Variants in WDR7 observed in about 807,000 individuals in gnomAD.
WDR7 encodes the protein WD repeat-containing protein 7.
Under a neutral mutation model 169.4 loss-of-function variants are expected in WDR7, and 46 were observed. The observed-to-expected ratio is 0.27, with a 90% CI of 0.21 to 0.35. The LOEUF (loss-of-function observed/expected upper bound fraction) is 0.35, where lower values mean the gene tolerates loss of function less well. WDR7 is among the 10% of genes least tolerant of loss of function. The pLI is 1.00. For synonymous variants in WDR7, 612 were observed against 666.8 expected (o/e 0.92, Z 1.27); for missense variants, 1,534 against 1,859.3 (o/e 0.83, Z 3.22).
intron 22 of WDR7, among the ~76,000 whole-genome samples, chr18:56,930,842 A>G (rs2046874632): frequency 6.6e-6 from 1 of 152,198 alleles, no homozygotes; most frequent in African/African-American, 2.4e-5. Context: ...CCCCCCTGGA[A>G]TATTCTCTTA....
intron 20 of WDR7, among the ~76,000 whole-genome samples, chr18:56,869,850 G>A (rs1267645909): frequency 3.9e-5 from 6 of 152,002 alleles, no homozygotes; most frequent in Admixed American, 6.6e-5. Flanking sequence ...AAATTGCAGA[G>A]CTCTAAGTTA....
chr18:56,821,822 C>G (rs1258850017), intron 20 of WDR7, among the ~76,000 whole-genome samples: 1 of 151,224 alleles, frequency 6.6e-6, no homozygotes, highest in Admixed American at 6.6e-5. Flanking sequence ...GGGAGATACC[C>G]TATCTCTACA....
intron 20 of WDR7, among the ~76,000 whole-genome samples, chr18:56,858,283 T>C (rs1037678283): frequency 8.5e-5 from 13 of 152,168 alleles, no homozygotes; most frequent in Non-Finnish European, 1.9e-4. Context: ...TCACTGCCAC[T>C]ACCCTTTTAG....
Position 56,756,674 on chromosome 18 carries a change from A to G in WDR7, c.2081A>G (p.Asp694Gly). 1 of 1,614,146 alleles carries G rather than the reference A, an allele frequency of 6.2e-7. No individual in the cohort carries two copies. The highest frequency in any genetic ancestry group is 8.5e-7 in the Non-Finnish European group (1 of 1,180,032). Residue 694 changes from aspartate (D) to glycine (G), a missense_variant, in exon 15 of 28, where the codon GAT (aspartate) becomes GGT (glycine). Asp to Gly is a moderately conservative substitution (Grantham distance 94). Coordinates refer to ENST00000254442, the MANE Select transcript of WDR7 (RefSeq NM_015285.3). The stretch of plus-strand genomic sequence containing the variant: ...CCGGACATACATGTGCTATTCTTTG[A>G]TGTGGAAGCGTTGATTATTCAACTC... ...TDPDIHVLFF[D>G]VEALIIQLLT...
intron 21 of WDR7, among the ~76,000 whole-genome samples, chr18:56,905,761 C>T (rs1315288903): frequency 1.3e-5 from 2 of 151,606 alleles, no homozygotes. Context: ...ATATTATAAG[C>T]AAAATAAAAA....
At position 56,923,950 on chromosome 18, in the gene WDR7, G is replaced by C. The variant is rs904918149; in HGVS notation, c.3555G>C (p.Gln1185His). 1 of 1,572,142 alleles carries C rather than the reference G, an allele frequency of 6.4e-7. No individual in the cohort carries two copies. Among genetic ancestry groups the C allele is most frequent in the Admixed American group, 2.0e-5 (1 of 51,156 alleles). The change falls in exon 22 of 28, where the codon CAG (glutamine) becomes CAC (histidine). Residue 1185 changes from glutamine to histidine, a missense_variant. Physicochemically the swap from Gln to His is conservative, Grantham distance 24. Transcript: ENST00000254442. ...AGGCACTGACGTTTCTTCTGCTACA[G>C]CCTCCAAGCCCCAAACTTCCTCCAC... ...TCKALTFLLLQPPSPKLPPHS... is the reference protein window; with the variant it reads ...TCKALTFLLLHPPSPKLPPHS...
intron 21 of WDR7, among the ~76,000 whole-genome samples, chr18:56,913,178 T>G (rs1420796645): frequency 6.6e-6 from 1 of 152,146 alleles, no homozygotes; most frequent in African/African-American, 2.4e-5. Context: ...CCAACCTAAT[T>G]TTAATTCTAG....
At chr18:56,686,084 A>G (rs2025438024) in intron 6 of WDR7, 52 bp downstream of exon 6, 1 of 1,459,006 alleles carries the variant, frequency 6.9e-7, no homozygotes, top group South Asian at 1.3e-5. Flanking sequence ...TCTGTAGCTC[A>G]AAATTTTAGT....
chr18:56,954,873 A>G (rs1040662515), intron 25 of WDR7, among the ~76,000 whole-genome samples: 2 of 152,304 alleles, frequency 1.3e-5, no homozygotes, highest in Non-Finnish European at 2.9e-5. Flanking sequence ...AACAGTTAAA[A>G]GTCTGCATTT....
intron 20 of WDR7, among the ~76,000 whole-genome samples, chr18:56,862,743 G>T (rs1462223950): frequency 6.6e-6 from 1 of 151,702 alleles, no homozygotes; most frequent in Admixed American, 6.6e-5. Flanking sequence ...CTTTATTTTA[G>T]TATCTTTTAC....
chr18:56,972,653 A>G (rs982965946), intron 26 of WDR7, among the ~76,000 whole-genome samples: 4 of 152,204 alleles, frequency 2.6e-5, no homozygotes, highest in African/African-American at 9.7e-5. Flanking sequence ...ACAAGCTACT[A>G]GTTTTAAAAG....
chr18:57,027,262 T>C lies in WDR7; in HGVS notation c.*55T>C. The C allele has an allele frequency of 5.2e-6, 8 of 1,542,320 alleles. No individual in the cohort carries two copies. In the South Asian group the frequency reaches 9.6e-5, roughly 19 times the overall value. ...TAGTTCTCTAAATTATCCAAGCCGA[T>C]GTTGCTCTGTCCTTCCTCACACCAG... On this transcript the variant is annotated 3_prime_UTR_variant, in exon 28 of 28. Transcript: ENST00000254442.
chr18:56,820,018 G>A (rs1276696685), intron 20 of WDR7, among the ~76,000 whole-genome samples: 1 of 151,832 alleles, frequency 6.6e-6, no homozygotes, highest in African/African-American at 2.4e-5. Flanking sequence ...AAGAAATTTT[G>A]GATTGATCAT....
rs891259041 is a variant in WDR7 at position 57,017,590 on chromosome 18, T to C, written c.4165-3155T>C. Among the ~76,000 whole-genome samples, 6 of 151,926 alleles carry C rather than the reference T, an allele frequency of 3.9e-5. No individual in the cohort carries two copies. The East Asian group carries it at 1.2e-3, about 29-fold the overall frequency. The stretch of plus-strand genomic sequence containing the variant: ...TTTCAAGAAAGTTAAACTCAGTATA[T>C]GACAGGACTTCAACAACAACAAATG... On this transcript the variant is annotated intron_variant, in intron 26 of 27. Coordinates refer to ENST00000254442, the MANE Select transcript of WDR7 (RefSeq NM_015285.3).
At chr18:56,965,121 AT>A (rs1318096242) in intron 26 of WDR7, among the ~76,000 whole-genome samples, 2 of 152,040 alleles carry the variant, frequency 1.3e-5, no homozygotes, top group African/African-American at 4.8e-5. Flanking sequence ...GTGTGGGACA[AT>A]TTTTTTTAGT....
intron 23 of WDR7, among the ~76,000 whole-genome samples, chr18:56,936,758 T>C (rs1439206427): frequency 1.3e-5 from 2 of 152,150 alleles, no homozygotes; most frequent in Non-Finnish European, 2.9e-5. Context: ...CTAATAGCAT[T>C]TTGTATAGGC....
chr18:56,781,796 A>AC (rs1473044773), intron 19 of WDR7, 140 bp downstream of exon 19: 7 of 982,842 alleles, frequency 7.1e-6, no homozygotes. Flanking sequence ...CCTCAAATTC[A>AC]CTTTATTATT....
At chr18:56,667,253 G>A (rs1473702894) in intron 1 of WDR7, among the ~76,000 whole-genome samples, 10 of 152,038 alleles carry the variant, frequency 6.6e-5, no homozygotes, top group Admixed American at 6.6e-4. Context: ...CAAACCCCAT[G>A]ACTTATTGTT....
chr18:56,920,845 T>C (rs894271103), intron 21 of WDR7, among the ~76,000 whole-genome samples: 2 of 152,212 alleles, frequency 1.3e-5, no homozygotes, highest in African/African-American at 2.4e-5. Flanking sequence ...AGGGAAGACC[T>C]ATCATTATCT....
Sources: allele counts gnomAD v4.1 joint callset (sites outside exome capture counted in the v4.1 genomes callset), GRCh38; gene constraint gnomAD v4.1.1; transcripts MANE v1.5; gene names NCBI Gene and HGNC (gene_info 2026-07-23, HGNC 2026-07-21).